The following ATP2A1 variants were observed in gnomAD, a reference collection of about 807,000 sequenced individuals.
ATP2A1 encodes the protein ATPase sarcoplasmic/endoplasmic reticulum Ca2+ transporting 1.
ATP2A1 carries 83 observed loss-of-function variants against 109.5 expected under a neutral mutation model. The observed-to-expected ratio is 0.76, with a 90% CI of 0.63 to 0.91. The LOEUF is 0.91. Among genes scored for constraint, ATP2A1 ranks in the 40% least tolerant of loss-of-function variants. The pLI is 0.00. For synonymous variants in ATP2A1, 505 were observed against 537.6 expected (o/e 0.94, Z 0.84); for missense variants, 1,101 against 1,341.0 (o/e 0.82, Z 2.80).
chr16:28,884,463 T>C, intron 5 of ATP2A1, 112 bp from the exon 6 acceptor site: 1 of 1,074,638 alleles, frequency 9.3e-7, no homozygotes, highest in Non-Finnish European at 1.4e-6. Context: ...GGAGCCTCCC[T>C]GAGACCTGAA....
At chr16:28,884,463 T>G in intron 5 of ATP2A1, 112 bp from the exon 6 acceptor site, 3 of 1,074,638 alleles carry the variant, frequency 2.8e-6, no homozygotes, top group Non-Finnish European at 4.2e-6. Context: ...GGAGCCTCCC[T>G]GAGACCTGAA....
At position 28,902,850 on chromosome 16, in the gene ATP2A1, G is replaced by A. The variant is rs756620939; in HGVS notation, c.2683G>A (p.Glu895Lys). 1.7e-5 allele frequency: 27 copies of A among 1,613,736 alleles called. 1 individual carries two copies. Among genetic ancestry groups the A allele is most frequent in the South Asian group, 5.5e-5 (5 of 91,054 alleles). Residue 895 changes from glutamate to lysine, a missense_variant, in exon 19 of 23, where the codon GAG (glutamate) becomes AAG (lysine). By Grantham distance (56) the Glu-to-Lys change is moderately conservative. Transcript: ENST00000395503. The surrounding 1 kb of genome is among the most constrained non-coding windows in gnomAD (Gnocchi z 4.8). ...AGACTGTGAGGTCTTCGAGGCCCCC[G>A]AGCCCATGACCATGGCCCTGTCCGT... ...GIDCEVFEAP[E>K]PMTMALSVLV...
intron 9 of ATP2A1, 93 bp downstream of exon 9, chr16:28,889,046 C>T (rs1009073719): frequency 6.5e-7 from 1 of 1,540,772 alleles, no homozygotes; most frequent in East Asian, 2.2e-5. Context: ...TTCATCACTG[C>T]TGGCTTCTCA....
chr16:28,903,138 C>T lies in ATP2A1; in HGVS notation c.2853C>T (p.Asp951=), dbSNP rs758438542. 7 of 1,613,468 alleles carry T rather than the reference C, an allele frequency of 4.3e-6. No individual in the cohort carries two copies. Among genetic ancestry groups the T allele is most frequent in the Middle Eastern group, 1.6e-4 (1 of 6,084 alleles). Residue 951 remains aspartate, a synonymous_variant, in exon 20 of 23, where the codon GAC becomes GAT. Transcript: ENST00000395503. This position sits in a 1 kb window ranked among gnomAD's most constrained non-coding sequence, Gnocchi z 5.6. ...TGCACTTCCTCATCCTCTATGTTGA[C>T]CCCCTGCCGGTGAGGTTTCTTCCGC... is the stretch of plus-strand genomic sequence containing the variant. The part of the protein sequence containing the change: ...MSLHFLILYV[D]PLPMIFKLRA...
In ATP2A1 at chr16:28,878,715, A is replaced by G. The variant is rs371085493; in HGVS notation, c.44A>G (p.Tyr15Cys). ...HAKTTEECLA[Y>C]FGVSETTGLT... ...AAAACCACGGAGGAATGTTTGGCCT[A>G]TTTTGGGGTGAGTGAGACCACGGGC... The change falls in exon 1 of 23, where the codon TAT (tyrosine) becomes TGT (cysteine). Residue 15 changes from tyrosine (Y) to cysteine (C), a missense_variant. Coordinates refer to ENST00000395503, the MANE Select transcript of ATP2A1 (RefSeq NM_004320.6). 2.0e-5 allele frequency: 32 copies of G among 1,612,150 alleles called. No homozygotes were observed. The highest frequency in any genetic ancestry group is 2.7e-5 in the African/African-American group (2 of 74,892).
rs1459073624 is a variant in ATP2A1 at position 28,887,282 on chromosome 16, A to G, written c.630+8A>G. 1 of 1,613,856 alleles carries G rather than the reference A, an allele frequency of 6.2e-7. No individual in the cohort carries two copies. Among genetic ancestry groups the G allele is most frequent in the Non-Finnish European group, 8.5e-7 (1 of 1,179,910 alleles). ...AAGAACATGCTTTTCTCGGTGAGCA[A>G]TCCGGGACCAGCCATCACACACTCA... is the stretch of plus-strand genomic sequence containing the variant. On this transcript the variant is annotated splice_region_variant and intron_variant, in intron 7 of 22. Transcript: ENST00000395503.
rs200376448 is a variant in ATP2A1 at position 28,902,293 on chromosome 16, C to T, written c.2431C>T (p.Pro811Ser). Reference sequence around the variant, plus strand: ...CCCAGCCACAGCCCTGGGCTTCAACCCACCAGACCTGGACATCATGGACCG... The same window carrying T: ...CCCAGCCACAGCCCTGGGCTTCAACTCACCAGACCTGGACATCATGGACCG... ...GLPATALGFN[P>S]PDLDIMDRPP... Residue 811 changes from proline (P) to serine (S), a missense_variant, in exon 17 of 23, where the codon CCA (proline) becomes TCA (serine). Transcript: ENST00000395503. The surrounding 1 kb of genome is among the most constrained non-coding windows in gnomAD (Gnocchi z 4.8). 8.1e-6 allele frequency: 13 copies of T among 1,614,158 alleles called. No homozygotes were observed. The highest frequency in any genetic ancestry group is 1.1e-5 in the Non-Finnish European group (13 of 1,180,022).
rs199590209 is a variant in ATP2A1 at position 28,894,530 on chromosome 16, C to A, written c.1210C>A (p.Pro404Thr). ...EVLKNDKPVR[P>T]GQYDGLVELA... ...CTTGAAGAATGATAAGCCAGTCCGG[C>A]CAGGGCAGTATGACGGGCTGGTGGA... Residue 404 changes from proline (P) to threonine (T), a missense_variant, in exon 11 of 23, where the codon CCA becomes ACA. Physicochemically the swap from Pro to Thr is conservative, Grantham distance 38 (BLOSUM62 -1). Coordinates refer to ENST00000395503, the MANE Select transcript of ATP2A1 (RefSeq NM_004320.6). The A allele has an allele frequency of 7.4e-6, 12 of 1,613,978 alleles. No homozygotes were observed. The South Asian group carries it at 1.3e-4, about 18-fold the overall frequency.
chr16:28,888,076 C>G (rs1158339451), intron 8 of ATP2A1, among the ~76,000 whole-genome samples: 1 of 152,122 alleles, frequency 6.6e-6, no homozygotes. Context: ...GCTGGGATTA[C>G]AGGCGTGAGC....
At chr16:28,887,792 C>A (rs1042076037) in intron 8 of ATP2A1, 70 bp downstream of exon 8, 1 of 1,568,180 alleles carries the variant, frequency 6.4e-7, no homozygotes, top group Non-Finnish European at 8.7e-7. Context: ...CTTTTCTTTT[C>A]TTTTCTTTTT....
chr16:28,879,710 C>T (rs1331174008), intron 3 of ATP2A1, 127 bp downstream of exon 3: 10 of 1,147,870 alleles, frequency 8.7e-6, no homozygotes, highest in Middle Eastern at 2.7e-4. Context: ...ACGGGGCGGG[C>T]TGGCGCGCAG....
At chr16:28,899,019 A>C (rs879920963) in intron 14 of ATP2A1, among the ~76,000 whole-genome samples, 15 of 151,188 alleles carry the variant, frequency 9.9e-5, no homozygotes, top group Non-Finnish European at 2.1e-4. Context: ...CACACACACA[A>C]AAGAGAGAAA....
At position 28,902,067 on chromosome 16, in the gene ATP2A1, G is replaced by A. The variant is rs755044339; in HGVS notation, c.2305G>A (p.Val769Met). The change falls in exon 16 of 23, where the codon GTG becomes ATG. Residue 769 changes from valine (V) to methionine (M), a missense_variant. Coordinates refer to ENST00000395503, the MANE Select transcript of ATP2A1 (RefSeq NM_004320.6). The surrounding 1 kb of genome is among the most constrained non-coding windows in gnomAD (Gnocchi z 4.8). ...QFIRYLISSN[V>M]GEVVCIFLTA... ...CATCCGCTACCTCATTTCCTCCAAC[G>A]TGGGCGAGGTGGTCTGGTGAGCAGC... The A allele has an allele frequency of 9.9e-6, 16 of 1,614,238 alleles. No individual in the cohort carries two copies. In the East Asian group the frequency reaches 1.1e-4, roughly 11 times the overall value.
rs984361614 is a variant in ATP2A1 at position 28,903,501 on chromosome 16, C to T, written c.2980+61C>T. The T allele has an allele frequency of 1.4e-5, 20 of 1,452,690 alleles. No individual in the cohort carries two copies. The highest frequency in any genetic ancestry group is 3.5e-4 in the Middle Eastern group (2 of 5,754). The allele number at this position is 1,452,690 out of a possible 1,614,324, so 90.0% of individuals were successfully genotyped here. On this transcript the variant is annotated intron_variant, in intron 21 of 22. Coordinates refer to ENST00000395503, the MANE Select transcript of ATP2A1 (RefSeq NM_004320.6). The surrounding 1 kb of genome is among the most constrained non-coding windows in gnomAD (Gnocchi z 5.6). ...CACCACAGCCCCTTCCCCATGACGC[C>T]GCCCCCGCCCCGCCCCGTACTTTGC...
chr16:28,894,322 GT>G (rs1159848453), intron 10 of ATP2A1, 79 bp downstream of exon 10: 1 of 1,458,166 alleles, frequency 6.9e-7, no homozygotes, highest in South Asian at 1.2e-5. Context: ...CCTCCATGTG[GT>G]TTTGCTCTCC....
chr16:28,897,188 A>G (rs1963941804), intron 12 of ATP2A1, among the ~76,000 whole-genome samples: 1 of 152,122 alleles, frequency 6.6e-6, no homozygotes. Flanking sequence ...ATCACATAAC[A>G]TTTCTATCAT....
intron 2 of ATP2A1, 145 bp downstream of exon 2, chr16:28,879,261 G>A: frequency 8.9e-7 from 1 of 1,128,128 alleles, no homozygotes; most frequent in East Asian, 2.4e-5. Flanking sequence ...TTAGAGTCCT[G>A]TCCGGGGCAG....
At position 28,903,740 on chromosome 16, in the gene ATP2A1, A is replaced by G. The variant is rs1463532669; in HGVS notation, c.*36A>G. ...TCCTCCATCTCTGAGCCCGTGTCAC[A>G]GGTATCACCCCCTTCTTGCCCTCAG... is the stretch of plus-strand genomic sequence containing the variant. On this transcript the variant is annotated splice_region_variant and 3_prime_UTR_variant, in exon 22 of 23. Transcript: ENST00000395503. This position sits in a 1 kb window ranked among gnomAD's most constrained non-coding sequence, Gnocchi z 5.6. 1 of 1,613,300 alleles carries G rather than the reference A, an allele frequency of 6.2e-7. No individual in the cohort carries two copies. The highest frequency in any genetic ancestry group is 8.5e-7 in the Non-Finnish European group (1 of 1,179,578).
chr16:28,890,655 TAAAC>T (rs1393489925), intron 9 of ATP2A1, among the ~76,000 whole-genome samples: 2 of 151,902 alleles, frequency 1.3e-5, no homozygotes, highest in Non-Finnish European at 2.9e-5. Flanking sequence ...AAAAAATAAA[TAAAC>T]AAAACAGGAT....
Sources: allele counts gnomAD v4.1 joint callset (sites outside exome capture counted in the v4.1 genomes callset), GRCh38; gene constraint gnomAD v4.1.1; non-coding constraint Gnocchi (gnomAD v3.1); transcripts MANE v1.5; gene names NCBI Gene and HGNC (gene_info 2026-07-23, HGNC 2026-07-21).